The following RAD54L2 variants were observed in gnomAD, a reference collection of about 807,000 sequenced individuals.
The protein encoded by RAD54L2 is RAD54 like 2.
RAD54L2 carries 27 observed loss-of-function variants against 138.4 expected under a neutral mutation model. That is an observed-to-expected ratio of 0.20 (90% CI 0.14 to 0.27). The LOEUF (loss-of-function observed/expected upper bound fraction) is 0.27, where lower values mean the gene tolerates loss of function less well. Ranked by LOEUF, RAD54L2 falls within the 10% of genes least tolerant of loss-of-function variation. RAD54L2 has a pLI of 1.00. For missense variants in RAD54L2, 1,396 were observed against 1,890.2 expected, an observed-to-expected ratio of 0.74 and a Z score of 4.85; for synonymous variants, 644 against 723.2, an observed-to-expected ratio of 0.89 and a Z score of 1.76.
At chr3:51,651,076 A>C (rs571486849) in intron 19 of RAD54L2, among the ~76,000 whole-genome samples, 1 of 152,342 alleles carries the variant, frequency 6.6e-6, no homozygotes, top group Non-Finnish European at 1.5e-5. Context: ...AGAATCAAAT[A>C]GATGCAATAA....
rs1163214811 is a variant in RAD54L2 at position 51,548,529 on chromosome 3, C to G, written c.-55+6879C>G. ...TATTTACTTCATCCTCCCAACAACCCTGTGAGGCAAATATCCCCATTGTAC... is the reference window on the plus strand; with the variant it reads ...TATTTACTTCATCCTCCCAACAACCGTGTGAGGCAAATATCCCCATTGTAC... On this transcript the variant is annotated intron_variant, in intron 2 of 22. Transcript: ENST00000684192. 5.3e-5 allele frequency among the ~76,000 whole-genome samples: 8 copies of G among 152,246 alleles called. No individual in the cohort carries two copies. In the South Asian group the frequency reaches 1.4e-3, roughly 28 times the overall value.
chr3:51,653,628 G>T lies in RAD54L2; in HGVS notation c.3027-2343G>T, dbSNP rs537683650. ...AAAAAAGGATGAGTTCATGTCCTTT[G>T]TAGGGACATGGATGAAGCTGGAAAC... On this transcript the variant is annotated intron_variant, in intron 19 of 22. Coordinates refer to ENST00000684192, the MANE Select transcript of RAD54L2 (RefSeq NM_015106.4). Among the ~76,000 whole-genome samples the T allele has an allele frequency of 3.9e-5, 6 of 152,308 alleles. No individual in the cohort carries two copies. The South Asian group carries it at 1.0e-3, about 26-fold the overall frequency.
intron 3 of RAD54L2, among the ~76,000 whole-genome samples, chr3:51,622,550 G>C (rs1194747566): frequency 6.6e-6 from 1 of 152,110 alleles, no homozygotes; most frequent in Non-Finnish European, 1.5e-5. Context: ...CTCAGTTGAG[G>C]GCCAAGGAAG....
chr3:51,661,199 T>G (rs1437506865), intron 22 of RAD54L2, among the ~76,000 whole-genome samples: 1 of 151,814 alleles, frequency 6.6e-6, no homozygotes, highest in Non-Finnish European at 1.5e-5. Flanking sequence ...TGACCTCAAG[T>G]GATCCACTCA....
intron 2 of RAD54L2, among the ~76,000 whole-genome samples, chr3:51,565,545 A>G (rs1699195776): frequency 6.6e-6 from 1 of 152,146 alleles, no homozygotes; most frequent in Non-Finnish European, 1.5e-5. Context: ...GTGCCGTCTC[A>G]GCTTATTGCA....
chr3:51,584,431 A>G (rs1187594442), intron 2 of RAD54L2, among the ~76,000 whole-genome samples: 1 of 151,954 alleles, frequency 6.6e-6, no homozygotes, highest in African/African-American at 2.4e-5. Context: ...AATTTTCTTT[A>G]TGTAACTGAT....
chr3:51,587,186 C>T (rs1053109048), intron 2 of RAD54L2, among the ~76,000 whole-genome samples: 3 of 151,738 alleles, frequency 2.0e-5, no homozygotes, highest in Admixed American at 6.6e-5. Context: ...CTGCAAGCTC[C>T]GCCTCCCGGG....
At chr3:51,546,636 G>T (rs1487520473) in intron 2 of RAD54L2, among the ~76,000 whole-genome samples, 1 of 151,728 alleles carries the variant, frequency 6.6e-6, no homozygotes, top group South Asian at 2.1e-4. Context: ...GTGAAACTGC[G>T]TCTCAAAAAC....
chr3:51,594,510 T>G (rs1699916353), intron 3 of RAD54L2, among the ~76,000 whole-genome samples: 1 of 152,208 alleles, frequency 6.6e-6, no homozygotes. Flanking sequence ...ACTTTTGGTC[T>G]TCAAGGCATT....
intron 2 of RAD54L2, among the ~76,000 whole-genome samples, chr3:51,583,486 C>T (rs1699651570): frequency 6.7e-6 from 1 of 150,282 alleles, no homozygotes; most frequent in African/African-American, 2.4e-5. Context: ...ATGGCCTGAT[C>T]TTGGCTCACC....
At chr3:51,539,203 C>T (rs947315342) in intron 1 of RAD54L2, among the ~76,000 whole-genome samples, 1 of 152,154 alleles carries the variant, frequency 6.6e-6, no homozygotes, top group Admixed American at 6.5e-5. Flanking sequence ...TTAACTGTTG[C>T]CCCTCTGCGC....
intron 3 of RAD54L2, among the ~76,000 whole-genome samples, chr3:51,600,271 C>G (rs982775938): frequency 1.3e-5 from 2 of 151,976 alleles, no homozygotes; most frequent in African/African-American, 2.4e-5. Context: ...GTACTCTTGT[C>G]TATATAGCTT....
At chr3:51,652,859 A>G (rs547677571) in intron 19 of RAD54L2, among the ~76,000 whole-genome samples, 33 of 152,360 alleles carry the variant, frequency 2.2e-4, no homozygotes, top group Non-Finnish European at 2.9e-4. Flanking sequence ...CATTCAGGAC[A>G]TAGGCATGGG....
intron 1 of RAD54L2, among the ~76,000 whole-genome samples, chr3:51,540,858 A>G (rs1382675688): frequency 6.6e-6 from 1 of 152,108 alleles, no homozygotes; most frequent in Non-Finnish European, 1.5e-5. Flanking sequence ...TTGAGCCTGC[A>G]TGGCGAAACC....
At chr3:51,566,272 T>A (rs975693134) in intron 2 of RAD54L2, among the ~76,000 whole-genome samples, 1 of 152,078 alleles carries the variant, frequency 6.6e-6, no homozygotes, top group African/African-American at 2.4e-5. Context: ...AGTTTGATGT[T>A]GAGAGAAACA....
In RAD54L2 at chr3:51,638,091, T is replaced by A; in HGVS notation, c.1683-53T>A. On this transcript the variant is annotated intron_variant, in intron 11 of 22. Coordinates refer to ENST00000684192, the MANE Select transcript of RAD54L2 (RefSeq NM_015106.4). This position sits in a 1 kb window ranked among gnomAD's most constrained non-coding sequence, Gnocchi z 4.3. ...AAAAGGCTCTGTTTTTATCTTGTGC[T>A]GACCCCTCCTGGCCACACTACCTTG... 1.3e-6 allele frequency: 2 copies of A among 1,563,438 alleles called. No individual in the cohort carries two copies. The highest frequency in any genetic ancestry group is 1.4e-5 in the African/African-American group (1 of 74,044).
At chr3:51,585,779 G>A (rs1180722270) in intron 2 of RAD54L2, among the ~76,000 whole-genome samples, 1 of 152,056 alleles carries the variant, frequency 6.6e-6, no homozygotes, top group Non-Finnish European at 1.5e-5. Flanking sequence ...TTTTCAGAGC[G>A]GTCCTCTTTA....
At chr3:51,562,837 A>C (rs1699129261) in intron 2 of RAD54L2, among the ~76,000 whole-genome samples, 1 of 151,702 alleles carries the variant, frequency 6.6e-6, no homozygotes, top group Non-Finnish European at 1.5e-5. Context: ...ATGAGGTCTC[A>C]CTTTGTTGCC....
chr3:51,620,201 G>A (rs1056731741), intron 3 of RAD54L2, among the ~76,000 whole-genome samples: 8 of 151,626 alleles, frequency 5.3e-5, no homozygotes, highest in South Asian at 2.1e-4. Context: ...GGGCTCAAGC[G>A]GTTCTCCCAC....
Sources: allele counts gnomAD v4.1 joint callset (sites outside exome capture counted in the v4.1 genomes callset), GRCh38; gene constraint gnomAD v4.1.1; non-coding constraint Gnocchi (gnomAD v3.1); transcripts MANE v1.5; gene names NCBI Gene and HGNC (gene_info 2026-07-23, HGNC 2026-07-21).